FIBCD1: variants seen among roughly 807,000 people sequenced by gnomAD.
The protein encoded by FIBCD1 is fibrinogen C domain containing 1.
A neutral mutation model predicts 45.1 loss-of-function variants in FIBCD1; 47 were observed. The ratio of observed to expected loss-of-function variants is 1.04; its 90% CI spans 0.82 to 1.33. The LOEUF is 1.33. FIBCD1 is among the 40% of genes most tolerant of loss of function. The pLI is 0.00. For synonymous variants in FIBCD1, 313 were observed against 308.1 expected (o/e 1.02, Z -0.17); for missense variants, 653 against 682.2 (o/e 0.96, Z 0.48).
intron 4 of FIBCD1, among the ~76,000 whole-genome samples, chr9:130,919,522 C>G (rs1832222229): frequency 6.6e-6 from 1 of 152,194 alleles, no homozygotes; most frequent in Non-Finnish European, 1.5e-5. Flanking sequence ...TGGGGAGGCC[C>G]CAGGAGCTCT....
chr9:130,911,150 CT>C (rs1464600157), intron 5 of FIBCD1, among the ~76,000 whole-genome samples: 2 of 152,322 alleles, frequency 1.3e-5, no homozygotes, highest in African/African-American at 4.8e-5. Context: ...CTTTTATGAG[CT>C]GCAACACTCA....
chr9:130,909,902 G>A (rs948025247), intron 5 of FIBCD1, among the ~76,000 whole-genome samples: 3 of 152,244 alleles, frequency 2.0e-5, no homozygotes, highest in Non-Finnish European at 4.4e-5. Context: ...AGGAAGGCGT[G>A]CGGTTGCCTC....
In FIBCD1 at chr9:130,902,866, G is replaced by C. The variant is rs940319559; in HGVS notation, c.*1198C>G. 1 of 152,420 alleles carries C rather than the reference G, an allele frequency of 6.6e-6. No homozygotes were observed. Among genetic ancestry groups the C allele is most frequent in the Non-Finnish European group, 1.5e-5 (1 of 68,202 alleles). The allele number at this position is 152,420 out of a possible 1,614,324, so 9.4% of individuals were successfully genotyped here. A position where few individuals can be genotyped will look rare whatever the true frequency, so the allele number is the denominator to read the frequency against. On this transcript the variant is annotated 3_prime_UTR_variant, in exon 7 of 7. Coordinates refer to ENST00000372338, the MANE Select transcript of FIBCD1 (RefSeq NM_032843.5). ...CTGCATGTGTGCACACAAGGAGTGG[G>C]GATGACAGCGTGCTGGGTGTTGGGA... is the stretch of plus-strand genomic sequence containing the variant.
intron 1 of FIBCD1, among the ~76,000 whole-genome samples, chr9:130,934,839 A>C (rs1053329959): frequency 2.6e-5 from 4 of 151,554 alleles, no homozygotes; most frequent in African/African-American, 9.7e-5. Flanking sequence ...TGTCCATTCT[A>C]CCTCCTCAGC....
intron 4 of FIBCD1, among the ~76,000 whole-genome samples, chr9:130,913,528 T>G (rs1174663812): frequency 1.3e-5 from 2 of 152,196 alleles, no homozygotes; most frequent in African/African-American, 4.8e-5. Context: ...AGCTCTGACG[T>G]CAGGGAGCTG....
At chr9:130,908,331 C>G (rs972494120) in intron 5 of FIBCD1, among the ~76,000 whole-genome samples, 2 of 152,222 alleles carry the variant, frequency 1.3e-5, no homozygotes, top group African/African-American at 4.8e-5. Flanking sequence ...ATGCTTCCTC[C>G]CGCATCATCT....
intron 5 of FIBCD1, 98 bp from the exon 6 acceptor site, chr9:130,905,511 G>T: frequency 1.6e-6 from 2 of 1,238,444 alleles, no homozygotes. Context: ...TGCAGTTGGG[G>T]ACAGAAAGGG....
At position 130,926,790 on chromosome 9, in the gene FIBCD1, C is replaced by T. The variant is rs573191434; in HGVS notation, c.553-2394G>A. Among the ~76,000 whole-genome samples the T allele has an allele frequency of 3.7e-4, 57 of 152,096 alleles. No individual in the cohort carries two copies. Among genetic ancestry groups the T allele is most frequent in the Non-Finnish European group, 7.5e-4 (51 of 68,000 alleles). ...TGAGCCGAGATTGAACCACTGCACT[C>T]CAGCTGGGTGACAGAGCGAGACAAC... On this transcript the variant is annotated intron_variant, in intron 2 of 6. Transcript: ENST00000372338. This position sits in a 1 kb window ranked among gnomAD's most constrained non-coding sequence, Gnocchi z 4.1.
At chr9:130,924,031 C>G in intron 3 of FIBCD1, 151 bp from the exon 4 acceptor site, 2 of 1,351,564 alleles carry the variant, frequency 1.5e-6, no homozygotes, top group African/African-American at 1.4e-5. Context: ...CTCTGCCACT[C>G]CCTGCTGTGG....
chr9:130,911,831 G>T lies in FIBCD1; in HGVS notation c.907C>A (p.Arg303=), dbSNP rs144181457. 6.2e-7 allele frequency: 1 copy of T among 1,604,654 alleles called. No homozygotes were observed. The highest frequency in any genetic ancestry group is 1.3e-5 in the African/African-American group (1 of 74,670). ...VNFFRGWDAY[R]DGFGRLTGEH... ...CCGGTGAGCCTGCCAAAGCCGTCTC[G>T]GTACGCATCCCAGCCCCGGAAGAAG... Residue 303 remains arginine, a synonymous_variant, in exon 5 of 7, where the codon CGA becomes AGA. Transcript: ENST00000372338.
At chr9:130,904,370 C>T in intron 6 of FIBCD1, 47 bp from the exon 7 acceptor site, 1 of 1,553,090 alleles carries the variant, frequency 6.4e-7, no homozygotes, top group South Asian at 1.2e-5. Context: ...CACGGGTACA[C>T]CCACTGGTGT....
In FIBCD1 at chr9:130,903,927, C is replaced by A; in HGVS notation, c.*137G>T. On this transcript the variant is annotated 3_prime_UTR_variant, in exon 7 of 7. Coordinates refer to ENST00000372338, the MANE Select transcript of FIBCD1 (RefSeq NM_032843.5). ...TTCACCGGCCCAGGGAGCTTCGTGT[C>A]AGGGATGGCCCGGCCCCTCCCTACT... The A allele has an allele frequency of 7.6e-6, 9 of 1,178,706 alleles. No homozygotes were observed. Among genetic ancestry groups the A allele is most frequent in the Non-Finnish European group, 1.1e-5 (9 of 809,882 alleles). 73.0% of individuals were successfully genotyped at this position (1,178,706 alleles called of 1,614,324 possible).
chr9:130,927,400 C>T (rs1266898982), intron 2 of FIBCD1, among the ~76,000 whole-genome samples: 2 of 152,144 alleles, frequency 1.3e-5, no homozygotes, highest in African/African-American at 4.8e-5. Context: ...CCAGCCAAGC[C>T]CTGTAGCCAG....
chr9:130,905,058 CTGAT>C (rs1383072888), intron 6 of FIBCD1, among the ~76,000 whole-genome samples, 172 bp downstream of exon 6: 3 of 152,192 alleles, frequency 2.0e-5, no homozygotes, highest in East Asian at 1.9e-4. Context: ...TTTCAGGCCT[CTGAT>C]TGTGATGTGG....
rs570539268 is a variant in FIBCD1 at position 130,903,253 on chromosome 9, G to A, written c.*811C>T. On this transcript the variant is annotated 3_prime_UTR_variant, in exon 7 of 7. Transcript: ENST00000372338. ...TGCAGGGCCCCACCCACCTTCCAGA[G>A]GCAGGAGAAATGGGATGGCAGCCCC... The A allele has an allele frequency of 6.5e-6, 1 of 153,414 alleles. No homozygotes were observed. The highest frequency in any genetic ancestry group is 1.5e-5 in the Non-Finnish European group (1 of 68,938). 9.5% of individuals were successfully genotyped at this position (153,414 alleles called of 1,614,324 possible).
chr9:130,923,899 T>G lies in FIBCD1; in HGVS notation c.713-19A>C, dbSNP rs1172294157. The G allele has an allele frequency of 6.2e-7, 1 of 1,611,524 alleles. No individual in the cohort carries two copies. The highest frequency in any genetic ancestry group is 8.5e-7 in the Non-Finnish European group (1 of 1,179,880). On this transcript the variant is annotated intron_variant, in intron 3 of 6. Coordinates refer to ENST00000372338, the MANE Select transcript of FIBCD1 (RefSeq NM_032843.5). The stretch of plus-strand genomic sequence containing the variant: ...CGGGAGCCTGAGGGAGGCAAGGCTG[T>G]CAGGGTGGCTGCGGCCCCAGCACGT...
intron 4 of FIBCD1, among the ~76,000 whole-genome samples, chr9:130,912,311 C>T (rs1354114857): frequency 9.4e-5 from 14 of 148,446 alleles, no homozygotes; most frequent in African/African-American, 3.5e-4. Flanking sequence ...GAGGCTGAGG[C>T]AGAAGGATCC....
intron 4 of FIBCD1, among the ~76,000 whole-genome samples, chr9:130,916,659 G>A (rs1181121035): frequency 1.3e-5 from 2 of 152,246 alleles, no homozygotes; most frequent in Admixed American, 6.5e-5. Flanking sequence ...CAGATGCCTG[G>A]ATGTGGCCAA....
At chr9:130,924,462 C>T in intron 2 of FIBCD1, 66 bp from the exon 3 acceptor site, 2 of 1,465,814 alleles carry the variant, frequency 1.4e-6, no homozygotes, top group Non-Finnish European at 1.8e-6. Flanking sequence ...GCGCACATAG[C>T]AGGTCACTGG....
Sources: allele counts gnomAD v4.1 joint callset (sites outside exome capture counted in the v4.1 genomes callset), GRCh38; gene constraint gnomAD v4.1.1; non-coding constraint Gnocchi (gnomAD v3.1); transcripts MANE v1.5; gene names NCBI Gene and HGNC (gene_info 2026-07-23, HGNC 2026-07-21).